Variants in ASIC2 observed in about 807,000 individuals in gnomAD.
ASIC2 encodes the protein acid-sensing ion channel 2.
In ASIC2, 25 loss-of-function variants were observed where a neutral mutation model predicts 57.3. The observed-to-expected ratio is 0.44, with a 90% CI of 0.32 to 0.61. The LOEUF is 0.61. Among genes scored for constraint, ASIC2 ranks in the 20% least tolerant of loss-of-function variants. The pLI is 0.06. For missense variants in ASIC2, 641 were observed against 738.1 expected (o/e 0.87, Z 1.52); for synonymous variants, 319 against 307.5 (o/e 1.04, Z -0.39).
chr17:33,394,301 C>T (rs909618810), intron 1 of ASIC2, among the ~76,000 whole-genome samples: 1 of 152,130 alleles, frequency 6.6e-6, no homozygotes, highest in Non-Finnish European at 1.5e-5. Flanking sequence ...CAGAAAACAG[C>T]CTAAAACTGG....
intron 1 of ASIC2, among the ~76,000 whole-genome samples, chr17:33,732,152 G>A (rs900921644): frequency 6.6e-6 from 1 of 152,150 alleles, no homozygotes; most frequent in Non-Finnish European, 1.5e-5. Context: ...CACACATAAA[G>A]CAGCAGGTGC....
chr17:33,525,939 A>G (rs989408103), intron 1 of ASIC2, among the ~76,000 whole-genome samples: 1 of 152,140 alleles, frequency 6.6e-6, no homozygotes, highest in African/African-American at 2.4e-5. Flanking sequence ...GCTGTAAGTT[A>G]TCTTTCCACT....
At chr17:33,358,026 C>A (rs1319142195) in intron 1 of ASIC2, among the ~76,000 whole-genome samples, 1 of 152,176 alleles carries the variant, frequency 6.6e-6, no homozygotes, top group Non-Finnish European at 1.5e-5. Context: ...TTGTTATGCA[C>A]ACTGAAGTTT....
At chr17:33,363,550 C>A (rs1375374886) in intron 1 of ASIC2, among the ~76,000 whole-genome samples, 4 of 152,200 alleles carry the variant, frequency 2.6e-5, no homozygotes, top group Non-Finnish European at 5.9e-5. Flanking sequence ...CTGGACACAC[C>A]TGGGTCAGAA....
intron 1 of ASIC2, among the ~76,000 whole-genome samples, chr17:33,966,132 A>G (rs952311688): frequency 6.6e-6 from 1 of 152,338 alleles, no homozygotes; most frequent in South Asian, 2.1e-4. Context: ...CTGTAGAACA[A>G]GGTGTTCCCT....
intron 1 of ASIC2, among the ~76,000 whole-genome samples, chr17:33,523,636 T>A (rs748860369): frequency 6.6e-6 from 1 of 152,196 alleles, no homozygotes; most frequent in African/African-American, 2.4e-5. Context: ...GCACAGGGCT[T>A]GGCTTCTGGC....
At chr17:33,301,060 A>C (rs1905939192) in intron 1 of ASIC2, among the ~76,000 whole-genome samples, 1 of 151,534 alleles carries the variant, frequency 6.6e-6, no homozygotes, top group African/African-American at 2.4e-5. Flanking sequence ...ATGATGTCTC[A>C]CTCTGTTGCC....
At chr17:33,339,911 A>G (rs111294825) in intron 1 of ASIC2, among the ~76,000 whole-genome samples, 2 of 152,164 alleles carry the variant, frequency 1.3e-5, no homozygotes, top group African/African-American at 4.8e-5. Flanking sequence ...CCCGACCCCA[A>G]CTGCTGCCTC....
At chr17:33,979,218 G>A (rs143569855) in intron 1 of ASIC2, among the ~76,000 whole-genome samples, 42 of 152,210 alleles carry the variant, frequency 2.8e-4, no homozygotes, top group African/African-American at 6.7e-4. Context: ...TTGGCCTGGC[G>A]TTGTCTTGGG....
chr17:33,838,415 CT>C (rs577002259), intron 1 of ASIC2, among the ~76,000 whole-genome samples: 31 of 152,242 alleles, frequency 2.0e-4, no homozygotes, highest in Non-Finnish European at 3.8e-4. Context: ...TTCTTTACCC[CT>C]GAATAGTTTT....
At chr17:33,317,886 AGTGTGTGTGTGTGTGTGT>A (rs57716479) in intron 1 of ASIC2, among the ~76,000 whole-genome samples, 14 of 144,566 alleles carry the variant, frequency 9.7e-5, no homozygotes, top group East Asian at 2.1e-4. Context: ...TGTGGAGATG[AGTGTGTGTGTGTGTGTGT>A]GTGTGTGTGT....
chr17:33,469,568 T>G (rs558490964), intron 1 of ASIC2, among the ~76,000 whole-genome samples: 113 of 152,230 alleles, frequency 7.4e-4, no homozygotes, highest in African/African-American at 2.6e-3. Flanking sequence ...ATGGACCCTC[T>G]GGAGCCAGCA....
At chr17:33,548,992 T>A (rs1915665555) in intron 1 of ASIC2, among the ~76,000 whole-genome samples, 1 of 152,106 alleles carries the variant, frequency 6.6e-6, no homozygotes, top group African/African-American at 2.4e-5. Context: ...TGTAACACCA[T>A]GGGATTATCT....
intron 1 of ASIC2, among the ~76,000 whole-genome samples, chr17:33,757,417 A>G (rs1910640717): frequency 6.6e-6 from 1 of 152,166 alleles, no homozygotes; most frequent in Admixed American, 6.5e-5. Context: ...TGAGGTCGGG[A>G]GTTCGAGACC....
intron 1 of ASIC2, among the ~76,000 whole-genome samples, chr17:33,333,026 A>G (rs1907377798): frequency 6.6e-6 from 1 of 152,192 alleles, no homozygotes; most frequent in Admixed American, 6.5e-5. Flanking sequence ...TATATGTAGC[A>G]TGTTCAATCT....
At position 33,276,850 on chromosome 17, in the gene ASIC2, C is replaced by G. The variant is rs1006330214; in HGVS notation, c.708+14558G>C. 3.3e-5 allele frequency among the ~76,000 whole-genome samples: 5 copies of G among 152,188 alleles called. No individual in the cohort carries two copies. In the East Asian group the frequency reaches 9.6e-4, roughly 29 times the overall value. ...GGACAAGGTGGGCTTTGAACTCTGT[C>G]CAAAGGATGATTTATTGTAACAGAA... is the stretch of plus-strand genomic sequence containing the variant. On this transcript the variant is annotated intron_variant, in intron 1 of 9. Transcript: ENST00000225823.
rs1006439501 is a variant in ASIC2, at chr17:34,110,626, C to T, written c.555+45352G>A. 3.1e-4 allele frequency among the ~76,000 whole-genome samples: 47 copies of T among 152,106 alleles called. 5 individuals are homozygous for T. The highest frequency in any genetic ancestry group is 1.5e-5 in the Non-Finnish European group (1 of 68,018). ...TTGGGAGAGGATCTTGTTAAGCCTT[C>T]GTATTAGATGACATCCTCCTTAAAA... On this transcript the variant is annotated intron_variant, in intron 1 of 9. Transcript: ENST00000359872.
chr17:33,904,770 T>C (rs564651037), intron 1 of ASIC2, among the ~76,000 whole-genome samples: 1 of 152,352 alleles, frequency 6.6e-6, no homozygotes, highest in African/African-American at 2.4e-5. Context: ...ACCACCCTTT[T>C]AGGCTCAGTT....
intron 3 of ASIC2, among the ~76,000 whole-genome samples, chr17:33,083,690 A>G (rs2092122927): frequency 6.6e-6 from 1 of 152,160 alleles, no homozygotes; most frequent in Admixed American, 6.5e-5. Context: ...ATCAAAGAAC[A>G]TGGGGTGTTT....
Sources: allele counts gnomAD v4.1 joint callset (sites outside exome capture counted in the v4.1 genomes callset), GRCh38; gene constraint gnomAD v4.1.1; transcripts MANE v1.5; gene names NCBI Gene and HGNC (gene_info 2026-07-23, HGNC 2026-07-21).